Variants in DLGAP1 observed in about 807,000 individuals in gnomAD.
DLGAP1 encodes disks large-associated protein 1.
DLGAP1 carries 11 observed loss-of-function variants against 90.8 expected under a neutral mutation model. That is an observed-to-expected ratio of 0.12 (90% CI 0.08 to 0.20). The LOEUF (loss-of-function observed/expected upper bound fraction) is 0.20. DLGAP1 is among the 10% of genes least tolerant of loss of function. The pLI is 1.00. For missense variants in DLGAP1, 1,050 were observed against 1,333.8 expected, an observed-to-expected ratio of 0.79 and a Z score of 3.31; for synonymous variants, 558 against 540.7, an observed-to-expected ratio of 1.03 and a Z score of -0.44.
intron 9 of DLGAP1, among the ~76,000 whole-genome samples, chr18:3,548,534 G>T (rs184178451): frequency 6.6e-6 from 1 of 151,778 alleles, no homozygotes. Flanking sequence ...GAGACTGAGG[G>T]GGGTGTGGAT....
At chr18:3,677,602 C>T (rs1165492194) in intron 7 of DLGAP1, among the ~76,000 whole-genome samples, 1 of 152,204 alleles carries the variant, frequency 6.6e-6, no homozygotes, top group Non-Finnish European at 1.5e-5. Context: ...GTGCCTATGA[C>T]CATCCACTTC....
At chr18:3,832,224 G>A (rs1228516732) in intron 4 of DLGAP1, among the ~76,000 whole-genome samples, 3 of 152,258 alleles carry the variant, frequency 2.0e-5, no homozygotes, top group East Asian at 1.9e-4. Context: ...ACACATGAAC[G>A]CACAAGCACA....
At chr18:4,012,472 G>A (rs567278577) in intron 2 of DLGAP1, among the ~76,000 whole-genome samples, 1 of 152,272 alleles carries the variant, frequency 6.6e-6, no homozygotes, top group African/African-American at 2.4e-5. Flanking sequence ...ACTGTGGACA[G>A]TTTCAGCAGC....
At chr18:4,143,348 T>C (rs763703351) in intron 2 of DLGAP1, among the ~76,000 whole-genome samples, 9 of 151,490 alleles carry the variant, frequency 5.9e-5, no homozygotes, top group Non-Finnish European at 1.0e-4. Context: ...CTTCCCACTG[T>C]TCCCTCCCTT....
At chr18:3,974,577 T>C (rs2073529635) in intron 3 of DLGAP1, among the ~76,000 whole-genome samples, 1 of 152,196 alleles carries the variant, frequency 6.6e-6, no homozygotes, top group Admixed American at 6.5e-5. Flanking sequence ...ATGGCCACTG[T>C]TTGCTTTTCT....
At chr18:3,978,580 A>G (rs1303553331) in intron 3 of DLGAP1, 2 of 230,224 alleles carry the variant, frequency 8.7e-6, no homozygotes, top group African/African-American at 4.6e-5. Context: ...GCCCAACACG[A>G]CCAAGTTCGT....
intron 7 of DLGAP1, among the ~76,000 whole-genome samples, chr18:3,672,086 GTTAATA>G: frequency 6.6e-6 from 1 of 152,208 alleles, no homozygotes; most frequent in Admixed American, 6.5e-5. Flanking sequence ...GATTTGAAAA[GTTAATA>G]TTCTGTTTTT....
intron 2 of DLGAP1, among the ~76,000 whole-genome samples, chr18:4,065,907 A>G (rs1008984359): frequency 6.6e-6 from 1 of 152,144 alleles, no homozygotes; most frequent in African/African-American, 2.4e-5. Context: ...AAGCTCCCCA[A>G]CTTCAAACTA....
At chr18:4,286,732 T>C (rs191566762) in intron 1 of DLGAP1, among the ~76,000 whole-genome samples, 323 of 152,240 alleles carry the variant, frequency 2.1e-3, no homozygotes, top group Non-Finnish European at 3.0e-3. Flanking sequence ...AACCTCTGCC[T>C]TATCAGGACT....
At chr18:3,749,402 C>T (rs1431939528) in intron 5 of DLGAP1, among the ~76,000 whole-genome samples, 1 of 152,094 alleles carries the variant, frequency 6.6e-6, no homozygotes, top group Non-Finnish European at 1.5e-5. Flanking sequence ...ATCTGCCTGC[C>T]TTGGCCTCCC....
intron 5 of DLGAP1, among the ~76,000 whole-genome samples, chr18:3,755,503 A>G (rs565311836): frequency 2.6e-5 from 4 of 152,258 alleles, no homozygotes; most frequent in Non-Finnish European, 4.4e-5. Context: ...AAACCCAAAA[A>G]AGAACTGGAG....
intron 7 of DLGAP1, among the ~76,000 whole-genome samples, chr18:3,599,767 C>T (rs55765412): frequency 0.27 from 41,397 of 151,690 alleles, 7,013 homozygotes; most frequent in Non-Finnish European, 0.36. Context: ...CTACAGGAGG[C>T]GCCACCACGC....
intron 1 of DLGAP1, among the ~76,000 whole-genome samples, chr18:4,170,538 G>A (rs564200713): frequency 6.6e-6 from 1 of 152,236 alleles, no homozygotes; most frequent in South Asian, 2.1e-4. Flanking sequence ...AGATTTAACG[G>A]AGTTTAGCAG....
At chr18:4,167,126 A>G (rs1380007708) in intron 1 of DLGAP1, among the ~76,000 whole-genome samples, 1 of 152,204 alleles carries the variant, frequency 6.6e-6, no homozygotes, top group Non-Finnish European at 1.5e-5. Flanking sequence ...AAAGAGAAAG[A>G]GAAAAAAGAA....
chr18:3,993,658 C>T (rs1041635382), intron 3 of DLGAP1, among the ~76,000 whole-genome samples: 10 of 152,160 alleles, frequency 6.6e-5, no homozygotes, highest in Non-Finnish European at 1.2e-4. Context: ...ATTAACCAAA[C>T]GTGGTCCAGA....
At chr18:3,978,045 G>T in intron 3 of DLGAP1, 1 of 380,608 alleles carries the variant, frequency 2.6e-6, no homozygotes, top group Non-Finnish European at 5.2e-6. Flanking sequence ...TGGCTGTCAT[G>T]CCAGTTTCTT....
chr18:3,841,194 G>C (rs1291720488), intron 4 of DLGAP1, among the ~76,000 whole-genome samples: 1 of 152,158 alleles, frequency 6.6e-6, no homozygotes, highest in Non-Finnish European at 1.5e-5. Flanking sequence ...AAGTGCTATG[G>C]AAACAGTAAT....
intron 1 of DLGAP1, among the ~76,000 whole-genome samples, chr18:4,187,628 G>A (rs1368681192): frequency 6.6e-6 from 1 of 152,040 alleles, no homozygotes; most frequent in African/African-American, 2.4e-5. Context: ...TGTGAGATCT[G>A]GGCTATTTCT....
At chr18:4,025,688 A>T (rs1484297073) in intron 2 of DLGAP1, among the ~76,000 whole-genome samples, 1 of 152,134 alleles carries the variant, frequency 6.6e-6, no homozygotes, top group Non-Finnish European at 1.5e-5. Flanking sequence ...TTCTAAGGTT[A>T]CTGTTTTCCA....
Sources: gnomAD v4.1 joint callset for allele counts (sites outside exome capture counted in the v4.1 genomes callset) on GRCh38, gnomAD v4.1.1 for gene constraint, MANE v1.5 for transcripts, NCBI Gene and HGNC (gene_info 2026-07-23, HGNC 2026-07-21) for gene names.